The following SOX6 variants were observed in gnomAD, a reference collection of about 807,000 sequenced individuals.
The protein encoded by SOX6 is transcription factor SOX-6.
Under a neutral mutation model 97.8 loss-of-function variants are expected in SOX6, and 11 were observed. The observed-to-expected ratio is 0.11, with a 90% CI of 0.07 to 0.19. The LOEUF (loss-of-function observed/expected upper bound fraction) is 0.19. Among genes scored for constraint, SOX6 ranks in the 10% least tolerant of loss-of-function variants. The pLI is 1.00. For missense variants in SOX6, 810 were observed against 1,039.5 expected, an observed-to-expected ratio of 0.78 and a Z score of 3.04; for synonymous variants, 360 against 371.4, an observed-to-expected ratio of 0.97 and a Z score of 0.35.
chr11:16,136,344 G>T (rs1354080839), intron 6 of SOX6, among the ~76,000 whole-genome samples: 25 of 129,260 alleles, frequency 1.9e-4, no homozygotes, highest in Middle Eastern at 4.3e-3. Context: ...TGTGTGTGTG[G>T]TTTTTTTTTT....
intron 6 of SOX6, among the ~76,000 whole-genome samples, chr11:16,122,258 C>T (rs1849511751): frequency 6.6e-6 from 1 of 152,022 alleles, no homozygotes; most frequent in South Asian, 2.1e-4. Flanking sequence ...CAGGCCATCA[C>T]AGAAGACTGA....
intron 2 of SOX6, among the ~76,000 whole-genome samples, chr11:16,716,214 T>C (rs556287406): frequency 1.3e-5 from 2 of 152,204 alleles, no homozygotes; most frequent in Non-Finnish European, 2.9e-5. Context: ...CTAGTCCGGG[T>C]GACAGAGCAA....
chr11:16,325,876 C>A (rs1222142964), intron 2 of SOX6, among the ~76,000 whole-genome samples: 1 of 152,094 alleles, frequency 6.6e-6, no homozygotes, highest in Non-Finnish European at 1.5e-5. Flanking sequence ...CAAATAGTTA[C>A]TTCCTTTTTG....
intron 4 of SOX6, among the ~76,000 whole-genome samples, chr11:16,504,104 C>A (rs2133145879): frequency 1.3e-5 from 2 of 151,482 alleles, no homozygotes; most frequent in South Asian, 4.2e-4. Flanking sequence ...AATAAGCTTA[C>A]ATGCACTCAA....
chr11:16,622,109 C>T (rs1224091167), intron 3 of SOX6, among the ~76,000 whole-genome samples: 3 of 152,074 alleles, frequency 2.0e-5, no homozygotes, highest in African/African-American at 7.2e-5. Context: ...TATTGAAAAG[C>T]TTATGTGTGA....
chr11:16,007,970 A>G (rs1854607292), intron 13 of SOX6, among the ~76,000 whole-genome samples: 1 of 152,076 alleles, frequency 6.6e-6, no homozygotes, highest in Non-Finnish European at 1.5e-5. Context: ...GGAGAAGTAC[A>G]GTCATTACTC....
chr11:16,096,554 T>C (rs1848799310), intron 8 of SOX6, among the ~76,000 whole-genome samples: 1 of 151,780 alleles, frequency 6.6e-6, no homozygotes, highest in Non-Finnish European at 1.5e-5. Flanking sequence ...TCATGACTCA[T>C]GACAAAATTT....
chr11:16,041,992 C>T (rs955715900), intron 12 of SOX6, among the ~76,000 whole-genome samples: 11 of 152,252 alleles, frequency 7.2e-5, no homozygotes, highest in Middle Eastern at 3.4e-3. Flanking sequence ...TGCCTGCCAT[C>T]TGAAAGTGAG....
intron 1 of SOX6, among the ~76,000 whole-genome samples, chr11:16,459,855 T>G (rs1859885709): frequency 6.6e-6 from 1 of 151,980 alleles, no homozygotes; most frequent in South Asian, 2.1e-4. Context: ...AACTTGAAGC[T>G]GCATAATATA....
intron 9 of SOX6, among the ~76,000 whole-genome samples, chr11:16,064,046 G>T (rs1848031053): frequency 6.6e-6 from 1 of 151,516 alleles, no homozygotes; most frequent in South Asian, 2.1e-4. Flanking sequence ...CTCTAAAATG[G>T]CATTTCACAA....
At chr11:16,132,928 T>A (rs1011942062) in intron 6 of SOX6, among the ~76,000 whole-genome samples, 1 of 152,156 alleles carries the variant, frequency 6.6e-6, no homozygotes, top group African/African-American at 2.4e-5. Flanking sequence ...ATCCTTCTTT[T>A]ATAGTTTTAT....
intron 4 of SOX6, among the ~76,000 whole-genome samples, chr11:16,201,925 G>A (rs1045549081): frequency 3.7e-5 from 5 of 135,358 alleles, no homozygotes; most frequent in Non-Finnish European, 7.5e-5. Context: ...GAGCCACCGC[G>A]CCCGGCCTGC....
chr11:15,974,071 T>G (rs1853391998), intron 15 of SOX6, among the ~76,000 whole-genome samples: 2 of 151,916 alleles, frequency 1.3e-5, no homozygotes. Context: ...TCACCAAGAG[T>G]TTCTCAATCT....
intron 1 of SOX6, among the ~76,000 whole-genome samples, chr11:16,352,858 T>C (rs1376092327): frequency 6.6e-6 from 1 of 152,054 alleles, no homozygotes; most frequent in Non-Finnish European, 1.5e-5. Context: ...AGCAGGTAAT[T>C]CTCTAACCAA....
chr11:16,663,593 G>A (rs1257370307), intron 3 of SOX6, among the ~76,000 whole-genome samples: 1 of 152,178 alleles, frequency 6.6e-6, no homozygotes, highest in East Asian at 1.9e-4. Flanking sequence ...TGGGATTACA[G>A]GCATGAGCCA....
chr11:16,501,139 T>C (rs941633182), intron 4 of SOX6, among the ~76,000 whole-genome samples: 4 of 151,922 alleles, frequency 2.6e-5, no homozygotes, highest in African/African-American at 7.3e-5. Context: ...AGAACAGAGC[T>C]CTCAGAAATA....
chr11:16,473,840 C>A, intron 1 of SOX6, among the ~76,000 whole-genome samples: 1 of 152,140 alleles, frequency 6.6e-6, no homozygotes, highest in East Asian at 1.9e-4. Context: ...GCCTCATTGA[C>A]TCTTTCTTTA....
At chr11:16,146,619 T>A (rs1850305504) in intron 6 of SOX6, among the ~76,000 whole-genome samples, 1 of 152,112 alleles carries the variant, frequency 6.6e-6, no homozygotes, top group South Asian at 2.1e-4. Context: ...AAAGGGCTAA[T>A]ATCCAGAATC....
intron 1 of SOX6, among the ~76,000 whole-genome samples, chr11:16,736,631 T>G (rs1235331823): frequency 1.3e-5 from 2 of 152,240 alleles, no homozygotes; most frequent in African/African-American, 4.8e-5. Context: ...TCAGCCATCT[T>G]ATTTGTTTTG....
Sources: allele counts gnomAD v4.1 joint callset (sites outside exome capture counted in the v4.1 genomes callset), GRCh38; gene constraint gnomAD v4.1.1; transcripts MANE v1.5; gene names NCBI Gene and HGNC (gene_info 2026-07-23, HGNC 2026-07-21).